The following DIS3 variants were observed in gnomAD, a reference collection of about 807,000 sequenced individuals.
The protein encoded by DIS3 is DIS3 exosome endoribonuclease and 3'-5' exoribonuclease.
DIS3 carries 103 observed loss-of-function variants against 113.0 expected under a neutral mutation model. That is an observed-to-expected ratio of 0.91 (90% CI 0.78 to 1.07). DIS3 has a LOEUF of 1.07. Ranked by LOEUF, DIS3 falls within the 50% of genes least tolerant of loss-of-function variation. The probability of loss-of-function intolerance (pLI) is 0.00; values close to 1 mark genes in which losing one functional copy is unlikely to be tolerated. For missense variants in DIS3, 1,121 were observed against 1,167.1 expected, an observed-to-expected ratio of 0.96 and a Z score of 0.58; for synonymous variants, 402 against 394.3, an observed-to-expected ratio of 1.02 and a Z score of -0.23.
intron 4 of DIS3, 142 bp downstream of exon 4, chr13:72,777,278 T>C: frequency 4.1e-6 from 3 of 731,838 alleles, no homozygotes; most frequent in African/African-American, 1.8e-5. Context: ...GCCTATGACA[T>C]CCACTCCTGT....
intron 11 of DIS3, among the ~76,000 whole-genome samples, chr13:72,771,419 G>C (rs2033883328): frequency 6.6e-6 from 1 of 152,112 alleles, no homozygotes; most frequent in Non-Finnish European, 1.5e-5. Flanking sequence ...GCTGTCCTCT[G>C]AAAGTTTTAA....
Position 72,781,612 on chromosome 13 carries a change from A to G in DIS3, c.221T>C (p.Leu74Pro), listed in dbSNP as rs2034230132. 1 of 1,521,534 alleles carries G rather than the reference A, an allele frequency of 6.6e-7. No individual in the cohort carries two copies. The highest frequency in any genetic ancestry group is 1.4e-5 in the African/African-American group (1 of 72,394). 94.3% of individuals were successfully genotyped at this position (1,521,534 alleles called of 1,614,324 possible). The change falls in exon 1 of 21, where the codon CTG (leucine) becomes CCG (proline). Residue 74 changes from leucine (L) to proline (P), a missense_variant. Transcript: ENST00000377767. ...GTTCGCCCGCCCACGCACCTGGTGCAGTAACACATTAGTGTCGGGCAGCAA... is the reference window on the plus strand; with the variant it reads ...GTTCGCCCGCCCACGCACCTGGTGCGGTAACACATTAGTGTCGGGCAGCAA... ...HYLLPDTNVLLHQIDVLEDPA... is the reference protein window; with the variant it reads ...HYLLPDTNVLPHQIDVLEDPA...
At position 72,755,956 on chromosome 13, in the gene DIS3, C is replaced by A. The variant is rs2033453968; in HGVS notation, c.*3839G>T. On this transcript the variant is annotated 3_prime_UTR_variant, in exon 21 of 21. Transcript: ENST00000377767. ...GTGGGAGAATAAGAATGTGGGAGAACCAAGAGAAAAAGTGGGGCTGGGAGA... is the reference window on the plus strand; with the variant it reads ...GTGGGAGAATAAGAATGTGGGAGAAACAAGAGAAAAAGTGGGGCTGGGAGA... 7.5e-6 allele frequency: 3 copies of A among 398,516 alleles called. No individual in the cohort carries two copies. The highest frequency in any genetic ancestry group is 2.1e-5 in the African/African-American group (1 of 48,712). 24.7% of individuals were successfully genotyped at this position (398,516 alleles called of 1,614,324 possible).
intron 9 of DIS3, 109 bp from the exon 10 acceptor site, chr13:72,772,384 A>G: frequency 1.2e-6 from 1 of 852,282 alleles, no homozygotes; most frequent in East Asian, 2.7e-5. Context: ...ATTTAGCTGT[A>G]TTTTCTTGAT....
At chr13:72,770,747 T>C (rs906444699) in intron 13 of DIS3, among the ~76,000 whole-genome samples, 157 bp downstream of exon 13, 17 of 152,100 alleles carry the variant, frequency 1.1e-4, no homozygotes, top group Non-Finnish European at 2.4e-4. Context: ...TAAGTAAATA[T>C]ACATATAATT....
intron 20 of DIS3, 135 bp downstream of exon 20, chr13:72,760,394 G>A: frequency 9.5e-7 from 1 of 1,054,834 alleles, no homozygotes; most frequent in Non-Finnish European, 1.4e-6. Flanking sequence ...AACAGGATTT[G>A]CTATGCAAAT....
Position 72,757,423 on chromosome 13 carries a change from CTTTT to C in DIS3, c.*2368_*2371del, listed in dbSNP as rs1198618507. The stretch of plus-strand genomic sequence containing the variant: ...CACCACACCTGGCTAATTTTCTTTT[CTTTT>C]TTTTTTTTTTTTTTTGCGATGGAGT... On this transcript the variant is annotated 3_prime_UTR_variant, in exon 21 of 21. Coordinates refer to ENST00000377767, the MANE Select transcript of DIS3 (RefSeq NM_014953.5). The C allele has an allele frequency of 3.4e-4, 23 of 68,484 alleles. No individual in the cohort carries two copies. Among genetic ancestry groups the C allele is most frequent in the African/African-American group, 1.1e-3 (20 of 19,028 alleles). The allele number at this position is 68,484 out of a possible 1,614,324, so 4.2% of individuals were successfully genotyped here. A position where few individuals can be genotyped will look rare whatever the true frequency, so the allele number is the denominator to read the frequency against.
In DIS3 at chr13:72,763,654, C is replaced by G. The variant is rs779337016; in HGVS notation, c.1971-47G>C. On this transcript the variant is annotated intron_variant, in intron 15 of 20. Transcript: ENST00000377767. ...AACAAACAAAAAAGAGAATCTGAGACTTCTATATATCATATTTTTTCACAG... is the reference window on the plus strand; with the variant it reads ...AACAAACAAAAAAGAGAATCTGAGAGTTCTATATATCATATTTTTTCACAG... The G allele has an allele frequency of 3.2e-6, 5 of 1,547,022 alleles. No homozygotes were observed. In the Admixed American group the frequency reaches 1.0e-4, roughly 31 times the overall value.
rs1403738004 is a variant in DIS3 at position 72,755,984 on chromosome 13, G to A, written c.*3811C>T. The A allele has an allele frequency of 5.0e-6, 2 of 398,474 alleles. No individual in the cohort carries two copies. Among genetic ancestry groups the A allele is most frequent in the East Asian group, 7.1e-5 (2 of 28,076 alleles). 24.7% of individuals were successfully genotyped at this position (398,474 alleles called of 1,614,324 possible). On this transcript the variant is annotated 3_prime_UTR_variant, in exon 21 of 21. Coordinates refer to ENST00000377767, the MANE Select transcript of DIS3 (RefSeq NM_014953.5). ...AGAGAAAAAGTGGGGCTGGGAGAGT[G>A]GAGTTCCCGTAGGGCATAGGCCTGT...
At chr13:72,769,110 C>G (rs1246688438) in intron 13 of DIS3, among the ~76,000 whole-genome samples, 198 bp from the exon 14 acceptor site, 1 of 152,122 alleles carries the variant, frequency 6.6e-6, no homozygotes, top group South Asian at 2.1e-4. Flanking sequence ...AGGCATTATA[C>G]AACATAAACA....
At position 72,758,454 on chromosome 13, in the gene DIS3, T is replaced by C. The variant is rs2033547746; in HGVS notation, c.*1341A>G. The C allele has an allele frequency of 4.9e-6, 1 of 202,096 alleles. No homozygotes were observed. Among genetic ancestry groups the C allele is most frequent in the Non-Finnish European group, 1.0e-5 (1 of 98,228 alleles). The allele number at this position is 202,096 out of a possible 1,614,324, so 12.5% of individuals were successfully genotyped here. A position where few individuals can be genotyped will look rare whatever the true frequency, so the allele number is the denominator to read the frequency against. On this transcript the variant is annotated 3_prime_UTR_variant, in exon 21 of 21. Coordinates refer to ENST00000377767, the MANE Select transcript of DIS3 (RefSeq NM_014953.5). ...ATATTGTATATGGCTCCTTACACAC[T>C]ATCAACGGCAGAGTTGTGTACTATA...
chr13:72,776,243 A>G (rs1192867108), intron 4 of DIS3, 151 bp from the exon 5 acceptor site: 2 of 698,618 alleles, frequency 2.9e-6, no homozygotes, highest in African/African-American at 1.9e-5. Flanking sequence ...CTTATAGGCC[A>G]GTGCTAACAA....
chr13:72,773,896 T>A, intron 7 of DIS3, 50 bp downstream of exon 7: 9 of 1,587,912 alleles, frequency 5.7e-6, no homozygotes, highest in Non-Finnish European at 6.8e-6. Context: ...CTATAAGTTC[T>A]ATTAAATGTT....
intron 4 of DIS3, among the ~76,000 whole-genome samples, chr13:72,777,099 T>G (rs1390612388): frequency 6.6e-6 from 1 of 152,212 alleles, no homozygotes. Context: ...CTGTCTGCAG[T>G]GCCTGCCACT....
chr13:72,776,703 A>G (rs1429370511), intron 4 of DIS3, among the ~76,000 whole-genome samples: 1 of 152,178 alleles, frequency 6.6e-6, no homozygotes, highest in African/African-American at 2.4e-5. Context: ...TTATTGCTAA[A>G]CATTATATAT....
At position 72,766,017 on chromosome 13, in the gene DIS3, T is replaced by G; in HGVS notation, c.1925A>C (p.Asp642Ala). 6.2e-7 allele frequency: 1 copy of G among 1,612,190 alleles called. No individual in the cohort carries two copies. The highest frequency in any genetic ancestry group is 1.1e-5 in the South Asian group (1 of 90,624). The part of the protein sequence containing the change: ...LSSPEVRFHM[D>A]SETHDPIDLQ... ...ATCTATAGGATCGTGAGTTTCACTG[T>G]CCATGTGGAATCGAACTTCAGGAGA... Residue 642 changes from aspartate (D) to alanine (A), a missense_variant, in exon 15 of 21, where the codon GAC (aspartate) becomes GCC (alanine). Transcript: ENST00000377767.
intron 15 of DIS3, among the ~76,000 whole-genome samples, chr13:72,765,549 T>C (rs1289226143): frequency 6.6e-6 from 1 of 152,130 alleles, no homozygotes; most frequent in African/African-American, 2.4e-5. Context: ...CAGTTCACAA[T>C]AGGACTGGCG....
rs376230247 is a variant in DIS3, at chr13:72,778,400, G to A, written c.387-20C>T. ...GTTTCTCTAAATGGAAAGAAAAAAC[G>A]AAATAAAAGGAAATCAGTAGAAACA... On this transcript the variant is annotated intron_variant, in intron 2 of 20. Transcript: ENST00000377767. The A allele has an allele frequency of 1.7e-5, 26 of 1,523,554 alleles. No individual in the cohort carries two copies. The highest frequency in any genetic ancestry group is 1.3e-4 in the South Asian group (10 of 78,890). The allele number at this position is 1,523,554 out of a possible 1,614,324, so 94.4% of individuals were successfully genotyped here.
Position 72,777,471 on chromosome 13 carries a change from T to G in DIS3, c.603A>C (p.Leu201=). ...GATCTATGAGTTCGGGGTTAGCAGT[T>G]AGGCTCTTTACATATTCTTCACCTG... ...AFTCEEYVKS[L]TANPELIDRL... is the part of the protein sequence containing the mutation. Residue 201 remains leucine (L), a synonymous_variant, in exon 4 of 21, where the codon CTA becomes CTC. Coordinates refer to ENST00000377767, the MANE Select transcript of DIS3 (RefSeq NM_014953.5). 1.2e-6 allele frequency: 2 copies of G among 1,614,122 alleles called. No homozygotes were observed. The highest frequency in any genetic ancestry group is 1.7e-6 in the Non-Finnish European group (2 of 1,179,982).
Sources: allele counts gnomAD v4.1 joint callset (sites outside exome capture counted in the v4.1 genomes callset), GRCh38; gene constraint gnomAD v4.1.1; transcripts MANE v1.5; gene names NCBI Gene and HGNC (gene_info 2026-07-23, HGNC 2026-07-21).